Variants in SPEG observed in about 807,000 individuals in gnomAD.
SPEG encodes striated muscle enriched protein kinase.
Under a neutral mutation model 300.4 loss-of-function variants are expected in SPEG, and 114 were observed. That is an observed-to-expected ratio of 0.38 (90% CI 0.33 to 0.44). SPEG has a LOEUF of 0.44. SPEG is among the 20% of genes least tolerant of loss of function. The probability of loss-of-function intolerance (pLI) is 1.00; values close to 1 mark genes in which losing one functional copy is unlikely to be tolerated. For missense variants in SPEG, 4,201 were observed against 4,586.2 expected, an observed-to-expected ratio of 0.92 and a Z score of 2.43; for synonymous variants, 1,964 against 2,018.9, an observed-to-expected ratio of 0.97 and a Z score of 0.73.
chr2:219,444,569 G>A lies in SPEG; in HGVS notation c.389-84G>A. The A allele has an allele frequency of 8.6e-7, 1 of 1,167,546 alleles. No individual in the cohort carries two copies. The highest frequency in any genetic ancestry group is 1.3e-6 in the Non-Finnish European group (1 of 783,820). 72.3% of individuals were successfully genotyped at this position (1,167,546 alleles called of 1,614,324 possible). A position where few individuals can be genotyped will look rare whatever the true frequency, so the allele number is the denominator to read the frequency against. On this transcript the variant is annotated intron_variant, in intron 1 of 40. Coordinates refer to ENST00000312358, the MANE Select transcript of SPEG (RefSeq NM_005876.5). The surrounding 1 kb of genome is among the most constrained non-coding windows in gnomAD (Gnocchi z 7.8). Reference sequence around the variant, plus strand: ...TGCCAGTGATAAGATGGAGCCTGCTGTTGGCAGGGAGGCAGAAGGCAATAG... The same window carrying A: ...TGCCAGTGATAAGATGGAGCCTGCTATTGGCAGGGAGGCAGAAGGCAATAG...
At chr2:219,470,506 C>T (rs571297464) in intron 13 of SPEG, among the ~76,000 whole-genome samples, 13 of 152,210 alleles carry the variant, frequency 8.5e-5, no homozygotes, top group Non-Finnish European at 1.2e-4. Flanking sequence ...CTGGCGTCTC[C>T]GCTTCTGCCT....
At chr2:219,485,563 G>C (rs1225380696) in intron 31 of SPEG, 86 bp downstream of exon 31, 2 of 1,411,554 alleles carry the variant, frequency 1.4e-6, no homozygotes, top group Admixed American at 5.3e-5. Flanking sequence ...CTGGTGAGAG[G>C]TGGGCCACCT....
Position 219,493,324 on chromosome 2 carries a change from T to G in SPEG, c.*538T>G, listed in dbSNP as rs1575212687. On this transcript the variant is annotated 3_prime_UTR_variant, in exon 41 of 41. Coordinates refer to ENST00000312358, the MANE Select transcript of SPEG (RefSeq NM_005876.5). ...GGAGAAGAGAGGACTCAGGTGGAGG[T>G]GGGGTGGGTCAGCTGTCAGCATCCC... is the stretch of plus-strand genomic sequence containing the variant. 5.6e-6 allele frequency: 2 copies of G among 354,498 alleles called. No individual in the cohort carries two copies. Among genetic ancestry groups the G allele is most frequent in the African/African-American group, 2.2e-5 (1 of 46,388 alleles). 22.0% of individuals were successfully genotyped at this position (354,498 alleles called of 1,614,324 possible). A position where few individuals can be genotyped will look rare whatever the true frequency, so the allele number is the denominator to read the frequency against.
chr2:219,451,906 C>A lies in SPEG; in HGVS notation c.2440+99C>A. The A allele has an allele frequency of 1.6e-6, 2 of 1,251,074 alleles. No homozygotes were observed. The highest frequency in any genetic ancestry group is 2.1e-6 in the Non-Finnish European group (2 of 930,868). The allele number at this position is 1,251,074 out of a possible 1,614,324, so 77.5% of individuals were successfully genotyped here. ...CTCCCTTCCCACTCTCAGCCTTGAGCTTGGGCACCCCGCCAGCATACTTAG... is the reference window on the plus strand; with the variant it reads ...CTCCCTTCCCACTCTCAGCCTTGAGATTGGGCACCCCGCCAGCATACTTAG... On this transcript the variant is annotated intron_variant, in intron 6 of 40. Transcript: ENST00000312358. The surrounding 1 kb of genome is among the most constrained non-coding windows in gnomAD (Gnocchi z 6.4).
At chr2:219,492,415 C>T (rs980581033) in intron 40 of SPEG, among the ~76,000 whole-genome samples, 155 bp downstream of exon 40, 6 of 152,172 alleles carry the variant, frequency 3.9e-5, no homozygotes, top group Non-Finnish European at 5.9e-5. Flanking sequence ...GAGGCAGCCC[C>T]GTGCAAGGCA....
At chr2:219,465,862 T>G in intron 9 of SPEG, 1 of 614,496 alleles carries the variant, frequency 1.6e-6, no homozygotes. Flanking sequence ...TGTGTGCATG[T>G]GTGTGCGTGT....
chr2:219,467,510 G>C (rs1379310072), intron 10 of SPEG, 76 bp downstream of exon 10: 1 of 1,507,302 alleles, frequency 6.6e-7, no homozygotes, highest in East Asian at 2.3e-5. Context: ...TGTACAGTAA[G>C]ATGCCTGGGA....
Position 219,489,654 on chromosome 2 carries a change from C to T in SPEG, c.8636C>T (p.Thr2879Ile), listed in dbSNP as rs780067376. Residue 2879 changes from threonine (T) to isoleucine (I), a missense_variant, in exon 36 of 41, where the codon ACT becomes ATT. Transcript: ENST00000312358. ...GAGCCCAAGCCTTTCGTCCTTGACA[C>T]TGGGACCCCGATCCCAGCCTCCACT... is the stretch of plus-strand genomic sequence containing the variant. ...PSEPKPFVLD[T>I]GTPIPASTPQ... 10 of 1,614,044 alleles carry T rather than the reference C, an allele frequency of 6.2e-6. No homozygotes were observed. The South Asian group carries it at 7.7e-5, about 12-fold the overall frequency.
chr2:219,468,760 T>A, intron 11 of SPEG, 24 bp downstream of exon 11: 1 of 1,612,648 alleles, frequency 6.2e-7, no homozygotes, highest in East Asian at 2.2e-5. Context: ...GCTGCAGGTG[T>A]TGAGGGCCCC....
rs1044273126 is a variant in SPEG, at chr2:219,479,732, C to T, written c.5086-51C>T. On this transcript the variant is annotated intron_variant, in intron 23 of 40. Transcript: ENST00000312358. The surrounding 1 kb of genome is among the most constrained non-coding windows in gnomAD (Gnocchi z 5.5). Reference sequence around the variant, plus strand: ...GACCGCTTGCCGCCCTGGAGGTGTTCAGACATACACCACCCTTCCCCCTCA... The same window carrying T: ...GACCGCTTGCCGCCCTGGAGGTGTTTAGACATACACCACCCTTCCCCCTCA... 1 of 1,566,174 alleles carries T rather than the reference C, an allele frequency of 6.4e-7. No individual in the cohort carries two copies. The highest frequency in any genetic ancestry group is 2.2e-5 in the East Asian group (1 of 44,618).
Position 219,484,118 on chromosome 2 carries a change from A to C in SPEG, c.6655A>C (p.Arg2219=), listed in dbSNP as rs1384983422. The C allele has an allele frequency of 9.3e-6, 15 of 1,613,354 alleles. No individual in the cohort carries two copies. The highest frequency in any genetic ancestry group is 1.3e-5 in the Non-Finnish European group (15 of 1,179,920). The change falls in exon 30 of 41, where the codon AGG becomes CGG. Residue 2219 remains arginine (R), a synonymous_variant. Coordinates refer to ENST00000312358, the MANE Select transcript of SPEG (RefSeq NM_005876.5). ...TGCCCAAGACAAGGCTCCAGAGCCC[A>C]GGCCAGAACCAGTCCGAGCCTCCAA... ...QPAQDKAPEP[R]PEPVRASKPA...
intron 39 of SPEG, 31 bp downstream of exon 39, chr2:219,491,900 T>A: frequency 6.4e-7 from 1 of 1,557,596 alleles, no homozygotes. Context: ...CGCAGCCCTC[T>A]CTGCCCATAC....
Position 219,448,754 on chromosome 2 carries a change from G to GC in SPEG, c.1601dup (p.Leu535AlafsTer57). 1 of 1,466,598 alleles carries GC rather than the reference G, an allele frequency of 6.8e-7. No individual in the cohort carries two copies. The highest frequency in any genetic ancestry group is 9.0e-7 in the Non-Finnish European group (1 of 1,115,812). 90.8% of individuals were successfully genotyped at this position (1,466,598 alleles called of 1,614,324 possible). ...CCCCATCCCCTCGAGAGCCCGGCGA[G>GC]CCCCCGCTCTTCTCTCGGCCCTCCA... On this transcript the variant is annotated frameshift_variant, in exon 4 of 41. Coordinates refer to ENST00000312358, the MANE Select transcript of SPEG (RefSeq NM_005876.5). LOFTEE classifies it high-confidence loss of function.
Position 219,443,523 on chromosome 2 carries a change from C to G in SPEG, c.389-1130C>G, listed in dbSNP as rs1689071443. The G allele has an allele frequency of 3.0e-6, 1 of 335,016 alleles. No individual in the cohort carries two copies. Among genetic ancestry groups the G allele is most frequent in the African/African-American group, 2.1e-5 (1 of 47,206 alleles). The allele number at this position is 335,016 out of a possible 1,614,324, so 20.8% of individuals were successfully genotyped here. ...AGAATCTGGGAAAGTTGAAAATACT[C>G]CCAGGAACCTTTTCTCCTAACCTAA... On this transcript the variant is annotated intron_variant, in intron 1 of 40. Coordinates refer to ENST00000312358, the MANE Select transcript of SPEG (RefSeq NM_005876.5). The surrounding 1 kb of genome is among the most constrained non-coding windows in gnomAD (Gnocchi z 4.6).
intron 1 of SPEG, among the ~76,000 whole-genome samples, chr2:219,438,236 T>C (rs1307235533): frequency 1.3e-5 from 2 of 152,182 alleles, no homozygotes; most frequent in Non-Finnish European, 2.9e-5. Flanking sequence ...TTAACATGCG[T>C]AAGTACCCTG....
intron 10 of SPEG, among the ~76,000 whole-genome samples, chr2:219,468,306 G>C (rs1392732405): frequency 1.3e-5 from 2 of 152,068 alleles, no homozygotes; most frequent in Non-Finnish European, 2.9e-5. Flanking sequence ...GAGGGGAGGA[G>C]GGGGGAGCTG....
In SPEG at chr2:219,484,730, G is replaced by A. The variant is rs1283538792; in HGVS notation, c.7267G>A (p.Ala2423Thr). The A allele has an allele frequency of 6.7e-7, 1 of 1,490,088 alleles. No homozygotes were observed. The highest frequency in any genetic ancestry group is 2.3e-5 in the Admixed American group (1 of 42,710). The allele number at this position is 1,490,088 out of a possible 1,614,324, so 92.3% of individuals were successfully genotyped here. Reference protein sequence around the residue: ...LSQRLRRTPPAQRHPAWEARG... With the variant: ...LSQRLRRTPPTQRHPAWEARG... ...CCAGCGGCTGCGGCGGACCCCTCCC[G>A]CGCAGCGCCACCCGGCCTGGGAGGC... is the stretch of plus-strand genomic sequence containing the variant. Residue 2423 changes from alanine to threonine, a missense_variant, in exon 30 of 41, where the codon GCG becomes ACG. Physicochemically the swap from Ala to Thr is moderately conservative, Grantham distance 58. Around this residue, in one of 4 missense-constraint regions of SPEG, gnomAD observed 1,578 missense variants for 1,506.0 expected, o/e 1.05. Transcript: ENST00000312358.
intron 30 of SPEG, 97 bp downstream of exon 30, chr2:219,485,169 GGGGCA>G: frequency 6.7e-7 from 1 of 1,497,096 alleles, no homozygotes; most frequent in Non-Finnish European, 9.0e-7. Context: ...ACACCCACCA[GGGGCA>G]GGCTGAGGCC....
In SPEG at chr2:219,490,070, T is replaced by C. The variant is rs1473502551; in HGVS notation, c.8921+131T>C. On this transcript the variant is annotated intron_variant, in intron 36 of 40. Transcript: ENST00000312358. ...GGTGCTGAGACCTGGGTTATTAGAATGATTGCGTTCAAATGTGCCAGACAC... is the reference window on the plus strand; with the variant it reads ...GGTGCTGAGACCTGGGTTATTAGAACGATTGCGTTCAAATGTGCCAGACAC... 3 of 1,086,372 alleles carry C rather than the reference T, an allele frequency of 2.8e-6. No individual in the cohort carries two copies. The African/African-American group carries it at 4.7e-5, about 17-fold the overall frequency. 67.3% of individuals were successfully genotyped at this position (1,086,372 alleles called of 1,614,324 possible).
Sources: gnomAD v4.1 joint callset for allele counts (sites outside exome capture counted in the v4.1 genomes callset) on GRCh38, gnomAD v4.1.1 for gene constraint, gnomAD v4.1.1 regional missense constraint, Gnocchi (gnomAD v3.1) non-coding constraint, MANE v1.5 for transcripts, NCBI Gene and HGNC (gene_info 2026-07-23, HGNC 2026-07-21) for gene names.